Variants in ERBB4 observed in about 807,000 individuals in gnomAD.
ERBB4 encodes erb-b2 receptor tyrosine kinase 4, also known as receptor tyrosine-protein kinase erbB-4.
ERBB4 carries 42 observed loss-of-function variants against 158.0 expected under a neutral mutation model. The observed-to-expected ratio is 0.27, with a 90% CI of 0.21 to 0.34. The LOEUF (loss-of-function observed/expected upper bound fraction) is 0.34. Among genes scored for constraint, ERBB4 ranks in the 10% least tolerant of loss-of-function variants. The pLI, the probability that ERBB4 is intolerant of heterozygous loss-of-function variation, is 1.00. For synonymous variants in ERBB4, 583 were observed against 558.7 expected, an observed-to-expected ratio of 1.04 and a Z score of -0.61; for missense variants, 1,333 against 1,624.1, an observed-to-expected ratio of 0.82 and a Z score of 3.08.
chr2:212,497,324 C>A (rs145547940), intron 1 of ERBB4, among the ~76,000 whole-genome samples: 12 of 152,108 alleles, frequency 7.9e-5, no homozygotes, highest in Non-Finnish European at 1.6e-4. Context: ...AGGTTGGAGT[C>A]CAGTAGTGTG....
chr2:212,327,105 A>T (rs1047371088), intron 1 of ERBB4, among the ~76,000 whole-genome samples: 1 of 150,588 alleles, frequency 6.6e-6, no homozygotes, highest in Non-Finnish European at 1.5e-5. Flanking sequence ...TGCTTCATGA[A>T]GTTTTTGAGA....
intron 3 of ERBB4, among the ~76,000 whole-genome samples, chr2:211,824,251 T>G (rs1032574874): frequency 1.3e-5 from 2 of 152,026 alleles, no homozygotes; most frequent in Non-Finnish European, 2.9e-5. Context: ...AAAAACAGTA[T>G]CTTGTAAATT....
intron 1 of ERBB4, among the ~76,000 whole-genome samples, chr2:212,337,184 T>A (rs1392118295): frequency 6.6e-6 from 1 of 152,060 alleles, no homozygotes; most frequent in East Asian, 1.9e-4. Flanking sequence ...TGCAAATAGT[T>A]TGGAGTTATT....
chr2:212,445,104 T>C (rs1458066846), intron 1 of ERBB4, among the ~76,000 whole-genome samples: 2 of 152,032 alleles, frequency 1.3e-5, no homozygotes, highest in Admixed American at 6.6e-5. Flanking sequence ...TCTTACCATG[T>C]TCCCCAGCAT....
chr2:211,447,859 A>ACAAGTAG (rs1190614819), intron 20 of ERBB4, among the ~76,000 whole-genome samples: 1 of 152,236 alleles, frequency 6.6e-6, no homozygotes, highest in Non-Finnish European at 1.5e-5. Context: ...TAGAATATTT[A>ACAAGTAG]AATCAAAGTC....
At position 211,630,333 on chromosome 2, in the gene ERBB4, TATAAA is replaced by T. The variant is rs760537513; in HGVS notation, c.2079+124_2079+128del. 7 of 1,062,444 alleles carry T rather than the reference TATAAA, an allele frequency of 6.6e-6. No individual in the cohort carries two copies. The East Asian group carries it at 7.1e-5, about 11-fold the overall frequency. 65.8% of individuals were successfully genotyped at this position (1,062,444 alleles called of 1,614,324 possible). On this transcript the variant is annotated intron_variant, in intron 17 of 27. Transcript: ENST00000342788. Reference sequence around the variant, plus strand: ...TTTTCACAAGCTTTGTTTAACGGACTATAAAATAAAAAACTTAATTAGGACACTGA... The same window carrying T: ...TTTTCACAAGCTTTGTTTAACGGACTATAAAAAACTTAATTAGGACACTGA...
intron 19 of ERBB4, among the ~76,000 whole-genome samples, chr2:211,606,765 T>C (rs2068994838): frequency 6.6e-6 from 1 of 152,148 alleles, no homozygotes; most frequent in Admixed American, 6.6e-5. Context: ...AAGAATAAAA[T>C]GTGTTTTCTT....
intron 2 of ERBB4, among the ~76,000 whole-genome samples, chr2:212,010,641 T>C (rs1254489353): frequency 1.3e-5 from 2 of 152,118 alleles, no homozygotes; most frequent in African/African-American, 2.4e-5. Flanking sequence ...GCACGTATTG[T>C]CTTAATAAAC....
intron 1 of ERBB4, among the ~76,000 whole-genome samples, chr2:212,513,561 C>A (rs1691646715): frequency 6.6e-6 from 1 of 152,144 alleles, no homozygotes; most frequent in Admixed American, 6.5e-5. Context: ...GCCTATAATC[C>A]CAGCACTTTG....
At chr2:212,222,836 C>G (rs2083341375) in intron 1 of ERBB4, among the ~76,000 whole-genome samples, 1 of 151,440 alleles carries the variant, frequency 6.6e-6, no homozygotes, top group South Asian at 2.1e-4. Context: ...ACTGTAATCT[C>G]CAGAAGAGAT....
chr2:211,921,732 C>T (rs1456163565), intron 3 of ERBB4, among the ~76,000 whole-genome samples: 1 of 151,930 alleles, frequency 6.6e-6, no homozygotes, highest in Non-Finnish European at 1.5e-5. Context: ...GGAGTCACGG[C>T]ATAGTTTTTG....
chr2:211,468,517 C>T (rs577335602), intron 20 of ERBB4, among the ~76,000 whole-genome samples: 6 of 152,062 alleles, frequency 3.9e-5, no homozygotes, highest in Admixed American at 1.3e-4. Flanking sequence ...AAAATCTGGA[C>T]GTTATAGATA....
chr2:212,487,720 C>T (rs879614748), intron 1 of ERBB4, among the ~76,000 whole-genome samples: 2 of 151,978 alleles, frequency 1.3e-5, no homozygotes, highest in Non-Finnish European at 2.9e-5. Context: ...TGTCTATTTG[C>T]TATAATAGCA....
At chr2:211,709,248 T>TAC (rs2073578338) in intron 9 of ERBB4, among the ~76,000 whole-genome samples, 1 of 82,284 alleles carries the variant, frequency 1.2e-5, no homozygotes, top group Non-Finnish European at 2.2e-5. Flanking sequence ...TATATATATA[T>TAC]ATACACATAT....
chr2:211,654,854 T>C (rs1228254850), intron 16 of ERBB4, among the ~76,000 whole-genome samples: 1 of 152,170 alleles, frequency 6.6e-6, no homozygotes, highest in Non-Finnish European at 1.5e-5. Flanking sequence ...CTGTATTATC[T>C]ACAAACAGTG....
At chr2:212,243,135 A>G (rs1313490867) in intron 1 of ERBB4, among the ~76,000 whole-genome samples, 6 of 152,170 alleles carry the variant, frequency 3.9e-5, no homozygotes, top group Admixed American at 2.6e-4. Flanking sequence ...ATCAATGCCA[A>G]TTAATCAATG....
intron 22 of ERBB4, among the ~76,000 whole-genome samples, chr2:211,428,079 G>A (rs990789480): frequency 1.3e-5 from 2 of 151,942 alleles, no homozygotes; most frequent in African/African-American, 4.8e-5. Flanking sequence ...AGGGGAGGGA[G>A]AGCATTAGGA....
chr2:212,360,435 C>A (rs2089642450), intron 1 of ERBB4, among the ~76,000 whole-genome samples: 1 of 151,632 alleles, frequency 6.6e-6, no homozygotes, highest in African/African-American at 2.4e-5. Context: ...CCTGGAAGCT[C>A]CAAGTCTCAT....
At chr2:212,022,150 G>C (rs2076666949) in intron 2 of ERBB4, among the ~76,000 whole-genome samples, 1 of 128,610 alleles carries the variant, frequency 7.8e-6, no homozygotes, top group Non-Finnish European at 1.8e-5. Flanking sequence ...AATACCATTT[G>C]ACTCAGCATG....
Sources: allele counts gnomAD v4.1 joint callset (sites outside exome capture counted in the v4.1 genomes callset), GRCh38; gene constraint gnomAD v4.1.1; transcripts MANE v1.5; gene names NCBI Gene and HGNC (gene_info 2026-07-23, HGNC 2026-07-21).